FAT3: variants seen among roughly 807,000 people sequenced by gnomAD.
The protein encoded by FAT3 is protocadherin Fat 3.
FAT3 carries 95 observed loss-of-function variants against 310.2 expected under a neutral mutation model. The ratio of observed to expected loss-of-function variants is 0.31; its 90% CI spans 0.26 to 0.36. FAT3 has a LOEUF of 0.36. FAT3 is among the 10% of genes least tolerant of loss of function. FAT3 has a pLI of 1.00. For missense variants in FAT3, 5,408 were observed against 5,715.6 expected (o/e 0.95, Z 1.74); for synonymous variants, 2,314 against 2,192.9 (o/e 1.06, Z -1.54).
intron 2 of FAT3, among the ~76,000 whole-genome samples, chr11:92,416,786 C>T (rs183249775): frequency 7.2e-5 from 11 of 152,244 alleles, no homozygotes; most frequent in South Asian, 4.2e-4. Flanking sequence ...AGAGGGTGAA[C>T]GCAGACAGAA....
intron 6 of FAT3, among the ~76,000 whole-genome samples, chr11:92,769,776 C>T (rs1946414476): frequency 6.6e-6 from 1 of 152,192 alleles, no homozygotes. Flanking sequence ...TTCTGTGTTG[C>T]AGGAAGGCTG....
chr11:92,344,539 C>T (rs1485561945), intron 1 of FAT3, among the ~76,000 whole-genome samples: 3 of 152,152 alleles, frequency 2.0e-5, no homozygotes, highest in African/African-American at 7.2e-5. Context: ...AGAAACTGTA[C>T]ACTGCTTCCT....
chr11:92,621,330 G>T (rs1941074289), intron 3 of FAT3, among the ~76,000 whole-genome samples: 1 of 152,092 alleles, frequency 6.6e-6, no homozygotes, highest in Non-Finnish European at 1.5e-5. Flanking sequence ...AGAAGGTGGG[G>T]AGAAGGAAAA....
intron 2 of FAT3, among the ~76,000 whole-genome samples, chr11:92,445,428 C>T (rs1221138601): frequency 6.6e-6 from 1 of 151,960 alleles, no homozygotes; most frequent in Non-Finnish European, 1.5e-5. Context: ...CATTGTTCTC[C>T]CAGAAGAGTT....
At chr11:92,542,194 G>A (rs1285781964) in intron 3 of FAT3, among the ~76,000 whole-genome samples, 1 of 151,844 alleles carries the variant, frequency 6.6e-6, no homozygotes, top group Non-Finnish European at 1.5e-5. Context: ...AACTCAGGAT[G>A]GATTAAAGAC....
At chr11:92,828,341 A>G (rs1005868825) in intron 13 of FAT3, among the ~76,000 whole-genome samples, 3 of 152,090 alleles carry the variant, frequency 2.0e-5, no homozygotes, top group Non-Finnish European at 4.4e-5. Flanking sequence ...TCTAAAACTT[A>G]TTGAAATCCA....
At chr11:92,330,042 T>TA (rs939634052) in intron 1 of FAT3, among the ~76,000 whole-genome samples, 2 of 152,118 alleles carry the variant, frequency 1.3e-5, no homozygotes, top group Non-Finnish European at 2.9e-5. Flanking sequence ...TTGCAACACT[T>TA]AGCATGAGAA....
intron 19 of FAT3, among the ~76,000 whole-genome samples, chr11:92,849,279 C>T (rs1948758944): frequency 6.6e-6 from 1 of 152,188 alleles, no homozygotes; most frequent in African/African-American, 2.4e-5. Context: ...TCAGAAGTTT[C>T]CTAATCCAAA....
In FAT3 at chr11:92,891,233, T is replaced by C. The variant is rs898859069; in HGVS notation, c.*120T>C. 3.0e-5 allele frequency: 39 copies of C among 1,299,868 alleles called. No homozygotes were observed. The highest frequency in any genetic ancestry group is 3.9e-5 in the Non-Finnish European group (37 of 955,912). The allele number at this position is 1,299,868 out of a possible 1,614,324, so 80.5% of individuals were successfully genotyped here. ...AGAAGGGAATACTGTATTTTTCCAC[T>C]AGAAACTTCTTCACAAGTCATACTG... On this transcript the variant is annotated 3_prime_UTR_variant, in exon 28 of 28. Coordinates refer to ENST00000525166, the MANE Select transcript of FAT3 (RefSeq NM_001367949.2).
At chr11:92,782,976 T>G (rs1565590011) in intron 7 of FAT3, among the ~76,000 whole-genome samples, 2 of 152,206 alleles carry the variant, frequency 1.3e-5, no homozygotes, top group African/African-American at 2.4e-5. Context: ...GCTCTATGAT[T>G]CACTAGAACA....
chr11:92,228,978 A>G (rs1010622718), intron 1 of FAT3, among the ~76,000 whole-genome samples: 1 of 152,162 alleles, frequency 6.6e-6, no homozygotes, highest in Non-Finnish European at 1.5e-5. Context: ...ATTGCTGAAG[A>G]AGGACTATTG....
At chr11:92,244,871 G>A (rs1327148540) in intron 1 of FAT3, among the ~76,000 whole-genome samples, 1 of 152,098 alleles carries the variant, frequency 6.6e-6, no homozygotes, top group Non-Finnish European at 1.5e-5. Context: ...GGAGAAATAG[G>A]AACGCTTTTA....
At chr11:92,850,008 C>T (rs913389095) in intron 19 of FAT3, among the ~76,000 whole-genome samples, 2 of 152,120 alleles carry the variant, frequency 1.3e-5, no homozygotes, top group African/African-American at 4.8e-5. Flanking sequence ...TTCTAATAAG[C>T]ACTGTAAAAT....
intron 9 of FAT3, 149 bp downstream of exon 9, chr11:92,793,126 G>C: frequency 2.8e-6 from 2 of 710,520 alleles, no homozygotes; most frequent in Non-Finnish European, 4.6e-6. Flanking sequence ...TTTGGGAGAT[G>C]ATGGTGGATA....
At chr11:92,727,086 C>T (rs1385190472) in intron 4 of FAT3, among the ~76,000 whole-genome samples, 2 of 152,036 alleles carry the variant, frequency 1.3e-5, no homozygotes, top group Admixed American at 1.3e-4. Context: ...CTATGAATTT[C>T]GATTAACTTC....
In FAT3 at chr11:92,769,010, G is replaced by A. The variant is rs140186638; in HGVS notation, c.4195+3921G>A. On this transcript the variant is annotated intron_variant, in intron 6 of 27. Coordinates refer to ENST00000525166, the MANE Select transcript of FAT3 (RefSeq NM_001367949.2). The stretch of plus-strand genomic sequence containing the variant: ...ATGCTTTTCCCCTGAGAGTAAAGTC[G>A]CCCCATTTCTGCATTTCCAAATCTA... 1.7e-3 allele frequency among the ~76,000 whole-genome samples: 257 copies of A among 152,218 alleles called. No individual in the cohort carries two copies. In the Middle Eastern group the frequency reaches 0.017, roughly 10 times the overall value.
chr11:92,439,519 C>G (rs1951020193), intron 2 of FAT3, among the ~76,000 whole-genome samples: 1 of 152,044 alleles, frequency 6.6e-6, no homozygotes, highest in South Asian at 2.1e-4. Flanking sequence ...CTGGTGAATG[C>G]AAGAATGGAT....
chr11:92,780,573 C>A (rs1053366976), intron 7 of FAT3, among the ~76,000 whole-genome samples: 1 of 152,140 alleles, frequency 6.6e-6, no homozygotes, highest in Admixed American at 6.5e-5. Flanking sequence ...TAGAGTAGAT[C>A]AGGGTTTATA....
At chr11:92,447,220 T>C (rs1483968069) in intron 2 of FAT3, among the ~76,000 whole-genome samples, 4 of 96,154 alleles carry the variant, frequency 4.2e-5, no homozygotes, top group African/African-American at 1.7e-4. Context: ...TGTATATGTG[T>C]GCGTGTGTGT....
Sources: allele counts gnomAD v4.1 joint callset (sites outside exome capture counted in the v4.1 genomes callset), GRCh38; gene constraint gnomAD v4.1.1; transcripts MANE v1.5; gene names NCBI Gene and HGNC (gene_info 2026-07-23, HGNC 2026-07-21).